The following ARID5B variants were observed in gnomAD, a reference collection of about 807,000 sequenced individuals.
ARID5B encodes AT-rich interaction domain 5B.
ARID5B carries 13 observed loss-of-function variants against 97.2 expected under a neutral mutation model. The ratio of observed to expected loss-of-function variants is 0.13; its 90% CI spans 0.09 to 0.21. ARID5B has a LOEUF of 0.21. Ranked by LOEUF, ARID5B falls within the 10% of genes least tolerant of loss-of-function variation. The pLI, the probability that ARID5B is intolerant of heterozygous loss-of-function variation, is 1.00. For synonymous variants in ARID5B, 556 were observed against 570.3 expected (o/e 0.97, Z 0.36); for missense variants, 1,210 against 1,465.3 (o/e 0.83, Z 2.84).
intron 3 of ARID5B, among the ~76,000 whole-genome samples, chr10:61,961,941 G>T (rs1284428801): frequency 6.6e-6 from 1 of 152,082 alleles, no homozygotes; most frequent in Admixed American, 6.6e-5. Context: ...TAGAAACAGG[G>T]TTTCACCGTG....
chr10:61,910,799 A>G lies in ARID5B; in HGVS notation c.276+8386A>G, dbSNP rs576501195. Among the ~76,000 whole-genome samples, 27 of 152,312 alleles carry G rather than the reference A, an allele frequency of 1.8e-4. 1 individual carries two copies. The East Asian group carries it at 5.0e-3, about 28-fold the overall frequency. ...GCACTGTTAGCAGCGTTAAAGATGGATATTTGACATTTATCACGCAGACTA... is the reference window on the plus strand; with the variant it reads ...GCACTGTTAGCAGCGTTAAAGATGGGTATTTGACATTTATCACGCAGACTA... On this transcript the variant is annotated intron_variant, in intron 2 of 9. Transcript: ENST00000279873.
chr10:62,017,532 G>A (rs906120365), intron 4 of ARID5B, among the ~76,000 whole-genome samples: 1 of 151,516 alleles, frequency 6.6e-6, no homozygotes, highest in African/African-American at 2.4e-5. Flanking sequence ...GGAATTCTGA[G>A]TCAGGCCACA....
At chr10:61,981,093 T>G (rs1838770842) in intron 3 of ARID5B, among the ~76,000 whole-genome samples, 2 of 152,220 alleles carry the variant, frequency 1.3e-5, no homozygotes, top group African/African-American at 4.8e-5. Context: ...GCTTAATCTC[T>G]CTAAGCCTCA....
At position 61,930,645 on chromosome 10, in the gene ARID5B, G is replaced by A. The variant is rs559887430; in HGVS notation, c.277-9538G>A. Among the ~76,000 whole-genome samples, 316 of 151,862 alleles carry A rather than the reference G, an allele frequency of 2.1e-3. 2 individuals carry two copies. Among genetic ancestry groups the A allele is most frequent in the African/African-American group, 7.3e-3 (300 of 41,372 alleles). Reference sequence around the variant, plus strand: ...TGAGGCAGGAGAATGGCGTGAACCCGGGAGGCAGAGCTTGCAGTGAACCGA... The same window carrying A: ...TGAGGCAGGAGAATGGCGTGAACCCAGGAGGCAGAGCTTGCAGTGAACCGA... On this transcript the variant is annotated intron_variant, in intron 2 of 9. Transcript: ENST00000279873.
intron 2 of ARID5B, among the ~76,000 whole-genome samples, chr10:61,912,881 C>G (rs531218735): frequency 1.3e-5 from 2 of 152,204 alleles, no homozygotes; most frequent in East Asian, 3.9e-4. Flanking sequence ...GAGATGGAAA[C>G]AGTTTTGACA....
intron 4 of ARID5B, among the ~76,000 whole-genome samples, chr10:62,038,679 T>C (rs1232265743): frequency 6.6e-6 from 1 of 152,232 alleles, no homozygotes; most frequent in African/African-American, 2.4e-5. Context: ...ATAAGAGGGC[T>C]GAAAATGTAA....
At chr10:62,088,157 G>A (rs918871459) in intron 9 of ARID5B, among the ~76,000 whole-genome samples, 22 of 152,060 alleles carry the variant, frequency 1.4e-4, no homozygotes, top group African/African-American at 4.3e-4. Flanking sequence ...GTGAGCCACC[G>A]TCCCTGGCCA....
chr10:61,963,511 T>A (rs752458678), intron 3 of ARID5B, among the ~76,000 whole-genome samples: 10 of 151,876 alleles, frequency 6.6e-5, no homozygotes, highest in Admixed American at 2.0e-4. Context: ...AGAACCACTG[T>A]CTCATGACAC....
intron 7 of ARID5B, among the ~76,000 whole-genome samples, chr10:62,059,591 A>T (rs1334610975): frequency 6.6e-6 from 1 of 152,192 alleles, no homozygotes; most frequent in East Asian, 1.9e-4. Flanking sequence ...ATTATTGTAC[A>T]ACAAGCCAAG....
chr10:61,952,007 T>C (rs898228139), intron 3 of ARID5B, among the ~76,000 whole-genome samples: 1 of 152,202 alleles, frequency 6.6e-6, no homozygotes, highest in African/African-American at 2.4e-5. Flanking sequence ...ACTCTTGTAG[T>C]TATGCACATA....
intron 8 of ARID5B, among the ~76,000 whole-genome samples, chr10:62,070,590 C>T (rs937685663): frequency 1.3e-5 from 2 of 152,116 alleles, no homozygotes; most frequent in African/African-American, 4.8e-5. Context: ...ATTCTTAGTC[C>T]TTTTTTTCCA....
chr10:62,064,278 G>C (rs1839958692), intron 7 of ARID5B, among the ~76,000 whole-genome samples: 1 of 152,158 alleles, frequency 6.6e-6, no homozygotes, highest in Non-Finnish European at 1.5e-5. Context: ...GTTTTGAAAG[G>C]CTCCAGTTCC....
intron 4 of ARID5B, among the ~76,000 whole-genome samples, chr10:62,041,392 G>A (rs369056351): frequency 1.3e-5 from 2 of 152,120 alleles, no homozygotes; most frequent in Admixed American, 6.6e-5. Context: ...AAATGTCTCC[G>A]AATCTCAGAC....
chr10:62,064,994 G>A (rs995542850), intron 7 of ARID5B, among the ~76,000 whole-genome samples: 38 of 152,154 alleles, frequency 2.5e-4, no homozygotes, highest in Admixed American at 2.0e-3. Context: ...GGCTGGTCTC[G>A]AACTCCTGAC....
At chr10:61,996,527 A>C (rs890933894) in intron 3 of ARID5B, among the ~76,000 whole-genome samples, 2 of 152,158 alleles carry the variant, frequency 1.3e-5, no homozygotes, top group African/African-American at 4.8e-5. Context: ...CCATCTCTTA[A>C]AGAAAAAAAA....
intron 3 of ARID5B, among the ~76,000 whole-genome samples, chr10:61,951,136 G>C (rs141852129): frequency 2.0e-4 from 31 of 152,316 alleles, no homozygotes; most frequent in Non-Finnish European, 4.0e-4. Context: ...AGTTTATGCA[G>C]GTCACTGCAG....
At chr10:61,983,510 G>A (rs1037542264) in intron 3 of ARID5B, among the ~76,000 whole-genome samples, 5 of 152,062 alleles carry the variant, frequency 3.3e-5, no homozygotes, top group African/African-American at 4.8e-5. Context: ...ATTGTGCTTC[G>A]CAAATTACAT....
chr10:62,047,331 T>G (rs1218149638), intron 4 of ARID5B, among the ~76,000 whole-genome samples: 1 of 152,224 alleles, frequency 6.6e-6, no homozygotes, highest in Non-Finnish European at 1.5e-5. Flanking sequence ...TTATTATTCA[T>G]GTATAATACT....
At chr10:61,916,294 AG>A (rs1460761855) in intron 2 of ARID5B, among the ~76,000 whole-genome samples, 1 of 152,116 alleles carries the variant, frequency 6.6e-6, no homozygotes, top group Non-Finnish European at 1.5e-5. Context: ...CTGTAAATAA[AG>A]TTTTATTAGC....
Sources: gnomAD v4.1 joint callset for allele counts (sites outside exome capture counted in the v4.1 genomes callset) on GRCh38, gnomAD v4.1.1 for gene constraint, MANE v1.5 for transcripts, NCBI Gene and HGNC (gene_info 2026-07-23, HGNC 2026-07-21) for gene names.